Variants in SNTG1 observed in about 807,000 individuals in gnomAD.
The protein encoded by SNTG1 is syntrophin gamma 1.
SNTG1 carries 39 observed loss-of-function variants against 74.7 expected under a neutral mutation model. That is an observed-to-expected ratio of 0.52 (90% CI 0.40 to 0.68). The LOEUF (loss-of-function observed/expected upper bound fraction) is 0.68. SNTG1 is among the 30% of genes least tolerant of loss of function. The pLI is 0.00. For missense variants in SNTG1, 685 were observed against 609.5 expected (o/e 1.12, Z -1.30); for synonymous variants, 254 against 217.1 (o/e 1.17, Z -1.49).
At chr8:50,705,352 C>T (rs1357833750) in intron 16 of SNTG1, among the ~76,000 whole-genome samples, 1 of 152,136 alleles carries the variant, frequency 6.6e-6, no homozygotes. Flanking sequence ...AAAACACAAA[C>T]TAATCAATTG....
At chr8:50,655,410 A>T (rs1295150543) in intron 13 of SNTG1, among the ~76,000 whole-genome samples, 4 of 152,184 alleles carry the variant, frequency 2.6e-5, no homozygotes, top group African/African-American at 9.6e-5. Flanking sequence ...GGTTCTTATT[A>T]TGTTATTATT....
At chr8:50,181,615 C>T (rs2083208459) in intron 2 of SNTG1, among the ~76,000 whole-genome samples, 2 of 152,042 alleles carry the variant, frequency 1.3e-5, no homozygotes, top group African/African-American at 4.8e-5. Flanking sequence ...GAAAATAACA[C>T]TAGTATAATG....
intron 17 of SNTG1, among the ~76,000 whole-genome samples, chr8:50,713,767 T>C (rs1053223102): frequency 3.9e-5 from 6 of 152,130 alleles, no homozygotes; most frequent in African/African-American, 1.2e-4. Context: ...ATATATTAAA[T>C]AGGGAATCCT....
intron 15 of SNTG1, 147 bp downstream of exon 15, chr8:50,658,810 G>A (rs1911831): frequency 1 from 543,887 of 543,940 alleles, 271,917 homozygotes; most frequent in Middle Eastern, 1. Flanking sequence ...AAAATAAACT[G>A]GACAAAAAAG....
chr8:50,732,581 T>C lies in SNTG1; in HGVS notation c.1285-19420T>C, dbSNP rs534649306. 3.7e-4 allele frequency among the ~76,000 whole-genome samples: 57 copies of C among 152,092 alleles called. 2 individuals carry two copies. The South Asian group carries it at 8.1e-3, about 22-fold the overall frequency. On this transcript the variant is annotated intron_variant, in intron 17 of 18. Coordinates refer to ENST00000642720, the MANE Select transcript of SNTG1 (RefSeq NM_018967.5). The stretch of plus-strand genomic sequence containing the variant: ...GGTGTTTAACATATTCCTTTACATT[T>C]TATATATTGTATTTCCATACAATTA...
chr8:50,706,700 A>C (rs1347038578), intron 16 of SNTG1, among the ~76,000 whole-genome samples: 3 of 151,984 alleles, frequency 2.0e-5, no homozygotes, highest in Non-Finnish European at 4.4e-5. Flanking sequence ...AGATTTTATA[A>C]CTCTTATTTA....
chr8:50,015,411 T>A (rs1334259817), intron 1 of SNTG1, among the ~76,000 whole-genome samples: 1 of 151,804 alleles, frequency 6.6e-6, no homozygotes, highest in East Asian at 1.9e-4. Context: ...TGAGACACTA[T>A]CAAGCATAAT....
intron 1 of SNTG1, among the ~76,000 whole-genome samples, chr8:50,062,075 G>A (rs1358040851): frequency 2.0e-5 from 3 of 151,986 alleles, no homozygotes; most frequent in African/African-American, 4.8e-5. Context: ...ACAGGGTCTC[G>A]TTCTGTTACC....
intron 2 of SNTG1, among the ~76,000 whole-genome samples, chr8:50,331,520 A>T (rs936580288): frequency 6.6e-6 from 1 of 152,208 alleles, no homozygotes; most frequent in African/African-American, 2.4e-5. Flanking sequence ...GAATCAGATG[A>T]TACAGTGTCC....
chr8:50,059,660 A>C (rs1820312981), intron 1 of SNTG1, among the ~76,000 whole-genome samples: 1 of 152,110 alleles, frequency 6.6e-6, no homozygotes, highest in Non-Finnish European at 1.5e-5. Context: ...TCCATTTCGT[A>C]GTGTGTATCA....
At chr8:50,082,351 A>G (rs1163142944) in intron 1 of SNTG1, among the ~76,000 whole-genome samples, 1 of 152,162 alleles carries the variant, frequency 6.6e-6, no homozygotes, top group Non-Finnish European at 1.5e-5. Context: ...AATAATGAGC[A>G]TTTTGATAAT....
chr8:50,725,554 T>G (rs2095498080), intron 17 of SNTG1, among the ~76,000 whole-genome samples: 2 of 152,172 alleles, frequency 1.3e-5, no homozygotes, highest in Non-Finnish European at 2.9e-5. Context: ...CTCTACAGAA[T>G]GGCCATTTAT....
chr8:50,212,410 G>C (rs928209283), intron 2 of SNTG1, among the ~76,000 whole-genome samples: 1 of 152,056 alleles, frequency 6.6e-6, no homozygotes, highest in Non-Finnish European at 1.5e-5. Context: ...TTGAGTTTAG[G>C]GTTGAGATGC....
chr8:50,497,325 A>C (rs1188743245), intron 8 of SNTG1, among the ~76,000 whole-genome samples: 2 of 151,986 alleles, frequency 1.3e-5, no homozygotes, highest in African/African-American at 4.8e-5. Context: ...TCCCATATTT[A>C]TATACTTATT....
intron 1 of SNTG1, among the ~76,000 whole-genome samples, chr8:49,944,385 A>G (rs563539585): frequency 6.6e-6 from 1 of 152,074 alleles, no homozygotes; most frequent in Non-Finnish European, 1.5e-5. Flanking sequence ...TTTGGAAAAA[A>G]AGATATTTGC....
chr8:50,164,692 A>G (rs2082551703), intron 1 of SNTG1, among the ~76,000 whole-genome samples: 1 of 152,168 alleles, frequency 6.6e-6, no homozygotes, highest in African/African-American at 2.4e-5. Context: ...CCTAATATGC[A>G]CTCAAATATG....
intron 1 of SNTG1, among the ~76,000 whole-genome samples, chr8:50,117,263 T>G (rs1214894426): frequency 1.3e-5 from 2 of 152,106 alleles, no homozygotes; most frequent in East Asian, 1.9e-4. Flanking sequence ...CTTGTCATGC[T>G]GTAAAAAAGC....
intron 8 of SNTG1, among the ~76,000 whole-genome samples, chr8:50,500,065 G>A (rs2093938011): frequency 6.6e-6 from 1 of 151,902 alleles, no homozygotes; most frequent in Admixed American, 6.6e-5. Flanking sequence ...TTTGAGGTTT[G>A]TTAAGCTTCT....
chr8:50,051,509 G>T (rs1819573011), intron 1 of SNTG1, among the ~76,000 whole-genome samples: 2 of 152,076 alleles, frequency 1.3e-5, no homozygotes, highest in African/African-American at 4.8e-5. Context: ...CACAAATGAG[G>T]TGGCTTAAAA....
Sources: allele counts gnomAD v4.1 joint callset (sites outside exome capture counted in the v4.1 genomes callset), GRCh38; gene constraint gnomAD v4.1.1; transcripts MANE v1.5; gene names NCBI Gene and HGNC (gene_info 2026-07-23, HGNC 2026-07-21).